Variants in RNF217 observed in about 807,000 individuals in gnomAD.
RNF217 encodes the protein ring finger protein 217.
In RNF217, 31 loss-of-function variants were observed where a neutral mutation model predicts 57.8. The ratio of observed to expected loss-of-function variants is 0.54; its 90% CI spans 0.40 to 0.72. The LOEUF is 0.72. Among genes scored for constraint, RNF217 ranks in the 30% least tolerant of loss-of-function variants. The pLI is 0.00. For synonymous variants in RNF217, 313 were observed against 294.0 expected (o/e 1.06, Z -0.66); for missense variants, 696 against 708.3 (o/e 0.98, Z 0.20).
chr6:125,076,395 G>A (rs1788373328), intron 3 of RNF217, among the ~76,000 whole-genome samples: 2 of 152,068 alleles, frequency 1.3e-5, no homozygotes, highest in Admixed American at 6.6e-5. Context: ...TGTCTTCCTT[G>A]GAATGTGTTT....
chr6:125,003,969 A>G (rs1393586559), intron 1 of RNF217, among the ~76,000 whole-genome samples: 1 of 152,172 alleles, frequency 6.6e-6, no homozygotes, highest in Non-Finnish European at 1.5e-5. Context: ...GTTGTCCAGT[A>G]GCCAAATGAT....
chr6:124,990,524 A>C, intron 1 of RNF217, among the ~76,000 whole-genome samples: 1 of 152,198 alleles, frequency 6.6e-6, no homozygotes, highest in East Asian at 1.9e-4. Flanking sequence ...GTTGATGGCC[A>C]TTCCATTTTT....
Position 125,063,301 on chromosome 6 carries a change from A to G in RNF217, c.1281+5195A>G, listed in dbSNP as rs554761340. On this transcript the variant is annotated intron_variant, in intron 3 of 5. Transcript: ENST00000521654. ...CGTTATAAAAGCAAATAAACAGTTA[A>G]TGAGCACTGTCACACATACACTAAA... 5.3e-5 allele frequency among the ~76,000 whole-genome samples: 8 copies of G among 152,344 alleles called. No homozygotes were observed. The East Asian group carries it at 1.5e-3, about 29-fold the overall frequency.
In RNF217 at chr6:125,045,441, C is replaced by T. The variant is rs771762455; in HGVS notation, c.1113C>T (p.Tyr371=). 4 of 1,609,264 alleles carry T rather than the reference C, an allele frequency of 2.5e-6. No homozygotes were observed. Among genetic ancestry groups the T allele is most frequent in the African/African-American group, 2.7e-5 (2 of 74,698 alleles). The change falls in exon 2 of 6, where the codon TAC becomes TAT. Residue 371 remains tyrosine (Y), a synonymous_variant. Coordinates refer to ENST00000521654, the MANE Select transcript of RNF217 (RefSeq NM_001286398.3). ...IPTPSRSESK[Y]KIQCPTCQFV... ...CCCCTTCCAGATCAGAAAGCAAATA[C>T]AAAGTAAGCATTTTCACCAGAGCTG...
At chr6:125,051,391 C>T (rs1188772818) in intron 2 of RNF217, among the ~76,000 whole-genome samples, 3 of 151,498 alleles carry the variant, frequency 2.0e-5, no homozygotes, top group Non-Finnish European at 4.4e-5. Flanking sequence ...ATAAAATGGT[C>T]TGGAAGATAT....
intron 1 of RNF217, among the ~76,000 whole-genome samples, chr6:124,991,035 G>A (rs1784542743): frequency 1.3e-5 from 2 of 152,310 alleles, no homozygotes; most frequent in Non-Finnish European, 1.5e-5. Flanking sequence ...CCACTGCAAA[G>A]CCTGGGTGAC....
chr6:125,027,774 G>C (rs1786170559), intron 1 of RNF217, among the ~76,000 whole-genome samples: 1 of 152,140 alleles, frequency 6.6e-6, no homozygotes, highest in Admixed American at 6.5e-5. Flanking sequence ...CCCACCAAAA[G>C]TGTACAAAGG....
chr6:125,013,777 G>T (rs1158995384), intron 1 of RNF217, among the ~76,000 whole-genome samples: 1 of 152,108 alleles, frequency 6.6e-6, no homozygotes, highest in Non-Finnish European at 1.5e-5. Context: ...AAGAGCACAA[G>T]ATTTTTAGTC....
intron 1 of RNF217, among the ~76,000 whole-genome samples, chr6:124,967,822 A>G (rs1783605786): frequency 6.6e-6 from 1 of 152,082 alleles, no homozygotes; most frequent in Non-Finnish European, 1.5e-5. Context: ...CTTGTCGCCC[A>G]GGCTGGAGTG....
Position 124,962,779 on chromosome 6 carries a change from AG to A in RNF217, c.236del (p.Ser79IlefsTer117). The A allele has an allele frequency of 6.3e-7, 1 of 1,596,142 alleles. No homozygotes were observed. The highest frequency in any genetic ancestry group is 8.5e-7 in the Non-Finnish European group (1 of 1,179,300). ...GAGGAGCCTGGGGCCCCCGGGCTGG[AG>A]TAAGAGCCGAGCACCGGCGCAGCCT... is the stretch of plus-strand genomic sequence containing the variant. The part of the protein sequence containing the change: ...PARSLGPPGW[S>X]KSRAPAQPAG... On this transcript the variant is annotated frameshift_variant, in exon 1 of 6. Coordinates refer to ENST00000521654, the MANE Select transcript of RNF217 (RefSeq NM_001286398.3). LOFTEE classifies it high-confidence loss of function. This position sits in a 1 kb window ranked among gnomAD's most constrained non-coding sequence, Gnocchi z 4.6.
In RNF217 at chr6:124,963,335, G is replaced by A. The variant is rs1332090326; in HGVS notation, c.791G>A (p.Arg264Gln). Residue 264 changes from arginine (R) to glutamine (Q), a missense_variant, in exon 1 of 6, where the codon CGG (arginine) becomes CAG (glutamine). This residue lies in a region of RNF217 where 465 missense variants were observed against 386.8 expected (regional missense o/e 1.20). Transcript: ENST00000521654. ...GTGCCCCTCATGGTGCTGATGTGCC[G>A]GGTGTGCCTGGAAGACAAGCCCATC... ...PYVPLMVLMCRVCLEDKPIKP... is the reference protein window; with the variant it reads ...PYVPLMVLMCQVCLEDKPIKP... 13 of 1,534,534 alleles carry A rather than the reference G, an allele frequency of 8.5e-6. No homozygotes were observed. The highest frequency in any genetic ancestry group is 3.3e-4 in the Middle Eastern group (2 of 5,976).
chr6:125,022,998 A>T (rs1785905043), intron 1 of RNF217, among the ~76,000 whole-genome samples: 1 of 152,178 alleles, frequency 6.6e-6, no homozygotes, highest in South Asian at 2.1e-4. Flanking sequence ...ATGCCAGAAT[A>T]AACAAGGCAC....
intron 1 of RNF217, among the ~76,000 whole-genome samples, chr6:125,001,863 G>A (rs1283317499): frequency 2.0e-5 from 3 of 152,152 alleles, no homozygotes; most frequent in African/African-American, 4.8e-5. Flanking sequence ...ATGCATAGCA[G>A]CTGGAGAACA....
chr6:124,974,104 A>G (rs528516969), intron 1 of RNF217, among the ~76,000 whole-genome samples: 120 of 152,064 alleles, frequency 7.9e-4, no homozygotes, highest in Non-Finnish European at 1.5e-3. Context: ...GCTGCATGAC[A>G]TTTTCTGCCC....
intron 2 of RNF217, among the ~76,000 whole-genome samples, chr6:125,049,895 A>G (rs1263266630): frequency 6.6e-6 from 1 of 151,910 alleles, no homozygotes; most frequent in Admixed American, 6.6e-5. Context: ...AGTTTGAAAT[A>G]TGTTGATAGT....
intron 3 of RNF217, among the ~76,000 whole-genome samples, chr6:125,061,906 G>C (rs1022697555): frequency 4.0e-5 from 6 of 151,420 alleles, no homozygotes; most frequent in African/African-American, 1.5e-4. Context: ...ATTTATTTTA[G>C]TGCTTATTAT....
At chr6:125,073,528 G>GA (rs1303657874) in intron 3 of RNF217, among the ~76,000 whole-genome samples, 2 of 152,048 alleles carry the variant, frequency 1.3e-5, no homozygotes, top group South Asian at 2.1e-4. Context: ...CATGTAAAAG[G>GA]AAAAAAATCA....
At chr6:125,017,291 A>G (rs1785649148) in intron 1 of RNF217, among the ~76,000 whole-genome samples, 1 of 152,178 alleles carries the variant, frequency 6.6e-6, no homozygotes, top group African/African-American at 2.4e-5. Context: ...GTTATACACC[A>G]TATTGTATTT....
At chr6:125,022,550 A>G (rs1453880850) in intron 1 of RNF217, among the ~76,000 whole-genome samples, 1 of 152,158 alleles carries the variant, frequency 6.6e-6, no homozygotes, top group African/African-American at 2.4e-5. Flanking sequence ...GCAACCAGCC[A>G]GGGGTGTGGT....
Sources: gnomAD v4.1 joint callset for allele counts (sites outside exome capture counted in the v4.1 genomes callset) on GRCh38, gnomAD v4.1.1 for gene constraint, gnomAD v4.1.1 regional missense constraint, Gnocchi (gnomAD v3.1) non-coding constraint, MANE v1.5 for transcripts, NCBI Gene and HGNC (gene_info 2026-07-23, HGNC 2026-07-21) for gene names.